Variants in UGT1A8 observed in about 807,000 individuals in gnomAD.
The protein encoded by UGT1A8 is UDP-glucuronosyltransferase 1A8.
Under a neutral mutation model 45.3 loss-of-function variants are expected in UGT1A8, and 39 were observed. That is an observed-to-expected ratio of 0.86 (90% CI 0.67 to 1.12). The LOEUF (loss-of-function observed/expected upper bound fraction) is 1.12. UGT1A8 is among the 50% of genes most tolerant of loss of function. UGT1A8 has a pLI of 0.00. For missense variants in UGT1A8, 719 were observed against 664.9 expected, an observed-to-expected ratio of 1.08 and a Z score of -0.90; for synonymous variants, 275 against 249.2, an observed-to-expected ratio of 1.10 and a Z score of -0.97.
In UGT1A8 at chr2:233,676,738, T is replaced by C. The variant is rs187995028; in HGVS notation, c.855+58176T>C. Among the ~76,000 whole-genome samples, 375 of 152,302 alleles carry C rather than the reference T, an allele frequency of 2.5e-3. 1 individual carries two copies. Among genetic ancestry groups the C allele is most frequent in the African/African-American group, 8.4e-3 (350 of 41,570 alleles). ...GTGTGTGTTTTGCCTGATGTTTTCA[T>C]CGTGGTAAAACTGGGTTTATAGACT... On this transcript the variant is annotated intron_variant, in intron 1 of 4. Coordinates refer to ENST00000373450, the MANE Select transcript of UGT1A8 (RefSeq NM_019076.5).
rs1036658876 is a variant in UGT1A8, at chr2:233,665,189, A to G, written c.855+46627A>G. Among the ~76,000 whole-genome samples, 4 of 152,236 alleles carry G rather than the reference A, an allele frequency of 2.6e-5. No homozygotes were observed. In the South Asian group the frequency reaches 6.2e-4, roughly 24 times the overall value. On this transcript the variant is annotated intron_variant, in intron 1 of 4. Coordinates refer to ENST00000373450, the MANE Select transcript of UGT1A8 (RefSeq NM_019076.5). ...AAATTATAGACATCTTTAGAGGCCA[A>G]TACAGACTGATTTGACAAGTTCTTT...
intron 1 of UGT1A8, among the ~76,000 whole-genome samples, chr2:233,705,281 A>G (rs2075838525): frequency 6.6e-6 from 1 of 152,236 alleles, no homozygotes; most frequent in Non-Finnish European, 1.5e-5. Flanking sequence ...TTCAACCTGA[A>G]GAACTTCCTT....
At chr2:233,637,514 C>G in intron 1 of UGT1A8, 1 of 1,463,516 alleles carries the variant, frequency 6.8e-7, no homozygotes. Context: ...TTATTTTGTG[C>G]GAATTCATGT....
At chr2:233,702,755 A>G (rs1175807851) in intron 1 of UGT1A8, among the ~76,000 whole-genome samples, 2 of 152,122 alleles carry the variant, frequency 1.3e-5, no homozygotes, top group Non-Finnish European at 2.9e-5. Flanking sequence ...TATTCTAGTG[A>G]TATGTGTTAA....
chr2:233,744,031 A>G, intron 1 of UGT1A8: 1 of 839,512 alleles, frequency 1.2e-6, no homozygotes. Flanking sequence ...GACGCCCCTT[A>G]TGACGCAGCC....
intron 1 of UGT1A8, among the ~76,000 whole-genome samples, chr2:233,742,120 G>A (rs910307834): frequency 2.0e-5 from 3 of 151,826 alleles, no homozygotes; most frequent in South Asian, 4.1e-4. Context: ...CAGCTTGGTC[G>A]TGGAGACCCT....
At chr2:233,681,967 T>A (rs1390610416) in intron 1 of UGT1A8, 6 of 1,614,002 alleles carry the variant, frequency 3.7e-6, no homozygotes, top group Admixed American at 1.7e-5. Context: ...CTGGCCTCCT[T>A]CCCCTATATG....
At chr2:233,693,566 C>T in intron 1 of UGT1A8, 1 of 1,614,202 alleles carries the variant, frequency 6.2e-7, no homozygotes, top group South Asian at 1.1e-5. Context: ...AAGCCCAGAC[C>T]CTGTGTCCTA....
intron 1 of UGT1A8, among the ~76,000 whole-genome samples, chr2:233,766,008 T>C (rs901073626): frequency 2.6e-5 from 4 of 152,174 alleles, no homozygotes; most frequent in Non-Finnish European, 5.9e-5. Context: ...GCGTGGGTTA[T>C]GGCCTTCTTT....
chr2:233,772,832 C>A lies in UGT1A8; in HGVS notation c.*273C>A. ...GAGGACGTGCAGACAGGCTGGCATT[C>A]TAGATTACTTTTCTTACTCTGAAAC... On this transcript the variant is annotated 3_prime_UTR_variant, in exon 5 of 5. Coordinates refer to ENST00000373450, the MANE Select transcript of UGT1A8 (RefSeq NM_019076.5). 1 of 899,518 alleles carries A rather than the reference C, an allele frequency of 1.1e-6. No homozygotes were observed. Among genetic ancestry groups the A allele is most frequent in the Non-Finnish European group, 1.5e-6 (1 of 646,888 alleles). The allele number at this position is 899,518 out of a possible 1,614,324, so 55.7% of individuals were successfully genotyped here.
chr2:233,706,179 C>A (rs2075892284), intron 1 of UGT1A8, among the ~76,000 whole-genome samples: 1 of 152,216 alleles, frequency 6.6e-6, no homozygotes, highest in Non-Finnish European at 1.5e-5. Flanking sequence ...TGTGGTGTGT[C>A]TGCCCAGGCT....
intron 1 of UGT1A8, chr2:233,717,938 T>A (rs2076617026): frequency 8.8e-6 from 4 of 453,788 alleles, no homozygotes; most frequent in East Asian, 7.0e-5. Context: ...TCAGTCTCTA[T>A]GCAGACTTGC....
At chr2:233,696,203 A>T (rs1245645591) in intron 1 of UGT1A8, among the ~76,000 whole-genome samples, 2 of 152,264 alleles carry the variant, frequency 1.3e-5, no homozygotes, top group African/African-American at 4.8e-5. Context: ...TCCCATGTTT[A>T]TTATAGCACT....
rs140176908 is a variant in UGT1A8 at position 233,620,946 on chromosome 2, T to C, written c.855+2384T>C. Among the ~76,000 whole-genome samples the C allele has an allele frequency of 2.4e-3, 364 of 152,248 alleles. 3 individuals are homozygous for C. Among genetic ancestry groups the C allele is most frequent in the African/African-American group, 8.4e-3 (350 of 41,546 alleles). Reference sequence around the variant, plus strand: ...ATGAGAAGGAAGCATTACTTAGTGATAGAGTATGTGTTTGCACATGTATGT... The same window carrying C: ...ATGAGAAGGAAGCATTACTTAGTGACAGAGTATGTGTTTGCACATGTATGT... On this transcript the variant is annotated intron_variant, in intron 1 of 4. Transcript: ENST00000373450.
At chr2:233,735,837 C>T (rs2078701654) in intron 1 of UGT1A8, among the ~76,000 whole-genome samples, 1 of 151,994 alleles carries the variant, frequency 6.6e-6, no homozygotes, top group South Asian at 2.1e-4. Flanking sequence ...GAATATTGGC[C>T]CCCACTCTCT....
intron 1 of UGT1A8, among the ~76,000 whole-genome samples, chr2:233,668,749 T>G (rs1401078383): frequency 6.6e-6 from 1 of 152,248 alleles, no homozygotes; most frequent in African/African-American, 2.4e-5. Context: ...TAATCAACAC[T>G]GACACATTAT....
intron 1 of UGT1A8, chr2:233,691,405 T>C: frequency 1.0e-6 from 1 of 985,594 alleles, no homozygotes; most frequent in Non-Finnish European, 1.2e-6. Context: ...GCCCTGTCCT[T>C]GGAGTGGCCC....
chr2:233,651,148 A>G (rs1418139349), intron 1 of UGT1A8, among the ~76,000 whole-genome samples: 1 of 152,190 alleles, frequency 6.6e-6, no homozygotes, highest in Non-Finnish European at 1.5e-5. Flanking sequence ...ACAAGGCTAG[A>G]CTTTTCAAAG....
chr2:233,618,425 AC>A lies in UGT1A8; in HGVS notation c.719del (p.Thr240LysfsTer26). On this transcript the variant is annotated frameshift_variant, in exon 1 of 5. Transcript: ENST00000373450. LOFTEE classifies it high-confidence loss of function. Reference sequence around the variant, plus strand: ...CTCTGAAATTCTCCAAACACCTGTCACAGCATATGATCTCTACAGCCACACA... The same window carrying A: ...CTCTGAAATTCTCCAAACACCTGTCAAGCATATGATCTCTACAGCCACACA... ...IASEILQTPV[T>X]AYDLYSHTSI... The A allele has an allele frequency of 6.2e-7, 1 of 1,613,950 alleles. No individual in the cohort carries two copies. The highest frequency in any genetic ancestry group is 1.3e-5 in the African/African-American group (1 of 75,042).
Sources: allele counts gnomAD v4.1 joint callset (sites outside exome capture counted in the v4.1 genomes callset), GRCh38; gene constraint gnomAD v4.1.1; transcripts MANE v1.5; gene names NCBI Gene and HGNC (gene_info 2026-07-23, HGNC 2026-07-21).